Variants in NAV3 observed in about 807,000 individuals in gnomAD.
NAV3 encodes the protein neuron navigator 3, also known as pore membrane and/or filament interacting like protein 1.
A neutral mutation model predicts 244.7 loss-of-function variants in NAV3; 87 were observed. The observed-to-expected ratio is 0.36, with a 90% CI of 0.30 to 0.42. NAV3 has a LOEUF of 0.42. Among genes scored for constraint, NAV3 ranks in the 20% least tolerant of loss-of-function variants. The probability of loss-of-function intolerance (pLI) is 1.00; values close to 1 mark genes in which losing one functional copy is unlikely to be tolerated. For missense variants in NAV3, 2,663 were observed against 2,893.3 expected, an observed-to-expected ratio of 0.92 and a Z score of 1.83; for synonymous variants, 1,126 against 1,042.2, an observed-to-expected ratio of 1.08 and a Z score of -1.55.
intron 1 of NAV3, among the ~76,000 whole-genome samples, chr12:77,845,789 G>A (rs1314541887): frequency 6.6e-6 from 1 of 151,940 alleles, no homozygotes; most frequent in Non-Finnish European, 1.5e-5. Context: ...AAGTAGCGGG[G>A]ATTACAGGCA....
intron 9 of NAV3, 149 bp from the exon 10 acceptor site, chr12:78,049,844 G>T: frequency 3.6e-6 from 2 of 552,800 alleles, no homozygotes; most frequent in Non-Finnish European, 3.2e-6. Flanking sequence ...TTGCTAGAAA[G>T]AATTATAATT....
At chr12:77,756,158 G>A (rs1012353262) in intron 2 of NAV3, among the ~76,000 whole-genome samples, 1 of 151,992 alleles carries the variant, frequency 6.6e-6, no homozygotes, top group African/African-American at 2.4e-5. Flanking sequence ...TATATACAAA[G>A]ACCGCCACCA....
intron 1 of NAV3, among the ~76,000 whole-genome samples, chr12:77,844,780 T>C (rs1265125563): frequency 6.6e-6 from 1 of 152,324 alleles, no homozygotes; most frequent in Admixed American, 6.5e-5. Context: ...GTAGAGTATA[T>C]GTTGCATACA....
At chr12:77,900,768 T>C (rs1323981146) in intron 1 of NAV3, among the ~76,000 whole-genome samples, 1 of 152,236 alleles carries the variant, frequency 6.6e-6, no homozygotes, top group Non-Finnish European at 1.5e-5. Flanking sequence ...GGTAGTTCTC[T>C]TTTAAGTTCT....
intron 12 of NAV3, among the ~76,000 whole-genome samples, chr12:78,110,383 T>C (rs2887727): frequency 0.028 from 4,226 of 152,188 alleles, 90 homozygotes; most frequent in Non-Finnish European, 0.043. Context: ...CCACATTCAA[T>C]GCAATTTCTA....
At chr12:78,195,354 T>TTTATTATTA (rs148621116) in intron 34 of NAV3, among the ~76,000 whole-genome samples, 1 of 151,478 alleles carries the variant, frequency 6.6e-6, no homozygotes, top group Non-Finnish European at 1.5e-5. Flanking sequence ...TTCAATCCTT[T>TTTATTATTA]TTATTATTAT....
chr12:77,698,243 T>G (rs1339775306), intron 2 of NAV3, among the ~76,000 whole-genome samples: 1 of 152,156 alleles, frequency 6.6e-6, no homozygotes, highest in Non-Finnish European at 1.5e-5. Context: ...AACCACAGCG[T>G]TAATATCTTG....
rs184941743 is a variant in NAV3, at chr12:77,842,426, T to C, written c.243+10722T>C. Among the ~76,000 whole-genome samples the C allele has an allele frequency of 5.1e-4, 78 of 152,022 alleles. 1 individual carries two copies. The Middle Eastern group carries it at 0.017, about 33-fold the overall frequency. Reference sequence around the variant, plus strand: ...TCAATACCTGTTATTAGCATTATTTTCTTGCTGGACCTGGAAACTCTCTGT... The same window carrying C: ...TCAATACCTGTTATTAGCATTATTTCCTTGCTGGACCTGGAAACTCTCTGT... On this transcript the variant is annotated intron_variant, in intron 1 of 39. Transcript: ENST00000397909.
chr12:77,624,557 A>G (rs905659871), intron 2 of NAV3, among the ~76,000 whole-genome samples: 1 of 151,940 alleles, frequency 6.6e-6, no homozygotes, highest in African/African-American at 2.4e-5. Context: ...TCTATGAATG[A>G]TGAGGTTGGA....
chr12:78,127,154 T>C lies in NAV3; in HGVS notation c.4239-13T>C. The C allele has an allele frequency of 1.9e-6, 3 of 1,613,536 alleles. No individual in the cohort carries two copies. Among genetic ancestry groups the C allele is most frequent in the Non-Finnish European group, 2.5e-6 (3 of 1,179,626 alleles). On this transcript the variant is annotated splice_polypyrimidine_tract_variant and intron_variant, in intron 16 of 39. Transcript: ENST00000397909. Reference sequence around the variant, plus strand: ...TTACATTATGTCCTTAGGGGTTTTCTTTGTTTTAACAGCATGCAGCTTGAC... The same window carrying C: ...TTACATTATGTCCTTAGGGGTTTTCCTTGTTTTAACAGCATGCAGCTTGAC...
intron 2 of NAV3, among the ~76,000 whole-genome samples, chr12:77,705,928 T>C (rs549306704): frequency 6.6e-6 from 1 of 151,672 alleles, no homozygotes; most frequent in Admixed American, 6.5e-5. Flanking sequence ...TATTTTTAAA[T>C]GTATTTCTTT....
intron 2 of NAV3, among the ~76,000 whole-genome samples, chr12:77,678,110 T>C (rs1298730660): frequency 6.6e-6 from 1 of 152,182 alleles, no homozygotes; most frequent in African/African-American, 2.4e-5. Context: ...TAATATTTAA[T>C]ATAGATTTAT....
intron 12 of NAV3, among the ~76,000 whole-genome samples, chr12:78,080,896 C>G (rs544687318): frequency 6.6e-6 from 1 of 152,242 alleles, no homozygotes; most frequent in Non-Finnish European, 1.5e-5. Context: ...TTTAGCTGAG[C>G]ACATGCATTT....
intron 16 of NAV3, among the ~76,000 whole-genome samples, chr12:78,126,295 G>A (rs910438860): frequency 4.6e-5 from 7 of 152,098 alleles, no homozygotes; most frequent in Admixed American, 2.0e-4. Flanking sequence ...CCCATTATGC[G>A]TATCCTGTGT....
intron 12 of NAV3, among the ~76,000 whole-genome samples, chr12:78,113,883 A>C (rs2694677): frequency 0.74 from 112,159 of 152,104 alleles, 41,562 homozygotes; most frequent in Middle Eastern, 0.78. Flanking sequence ...TTCCCTTTTA[A>C]AATTAAGTTC....
intron 1 of NAV3, among the ~76,000 whole-genome samples, chr12:77,905,803 A>G (rs1345619848): frequency 2.6e-5 from 4 of 152,176 alleles, no homozygotes; most frequent in Non-Finnish European, 4.4e-5. Flanking sequence ...GAGCACAAAA[A>G]TTACTACAAT....
Position 78,006,149 on chromosome 12 carries a change from CA to C in NAV3, c.881-267del, listed in dbSNP as rs576247561. Reference sequence around the variant, plus strand: ...TTCATCTTTGGATATCTGTGACTAGCAAATTTATTTGGGTAAGAGTAATTTC... The same window carrying C: ...TTCATCTTTGGATATCTGTGACTAGCAATTTATTTGGGTAAGAGTAATTTC... On this transcript the variant is annotated intron_variant, in intron 7 of 39. Coordinates refer to ENST00000397909, the MANE Select transcript of NAV3 (RefSeq NM_001024383.2). Among the ~76,000 whole-genome samples, 335 of 152,242 alleles carry C rather than the reference CA, an allele frequency of 2.2e-3. 1 individual carries two copies. The highest frequency in any genetic ancestry group is 7.7e-3 in the African/African-American group (321 of 41,548).
At chr12:78,059,291 G>GT (rs557174068) in intron 12 of NAV3, among the ~76,000 whole-genome samples, 176 bp downstream of exon 12, 16 of 150,958 alleles carry the variant, frequency 1.1e-4, no homozygotes, top group South Asian at 2.1e-4. Context: ...GTTTGTTTTC[G>GT]TTTTTTTTGT....
intron 9 of NAV3, chr12:78,036,931 A>G (rs1297551254): frequency 2.8e-6 from 2 of 703,028 alleles, no homozygotes; most frequent in East Asian, 5.4e-5. Flanking sequence ...GCTTGCCTTC[A>G]GAAACAAAAG....
Sources: gnomAD v4.1 joint callset for allele counts (sites outside exome capture counted in the v4.1 genomes callset) on GRCh38, gnomAD v4.1.1 for gene constraint, MANE v1.5 for transcripts, NCBI Gene and HGNC (gene_info 2026-07-23, HGNC 2026-07-21) for gene names.